PNCK: variants seen among roughly 807,000 people sequenced by gnomAD.
The protein encoded by PNCK is calcium/calmodulin-dependent protein kinase type 1B.
In PNCK, 21 loss-of-function variants were observed where a neutral mutation model predicts 28.3. That is an observed-to-expected ratio of 0.74 (90% CI 0.53 to 1.07). The LOEUF is 1.07. Among genes scored for constraint, PNCK ranks in the 50% least tolerant of loss-of-function variants. PNCK has a pLI of 0.00. For synonymous variants in PNCK, 136 were observed against 125.2 expected (o/e 1.09, Z -0.58); for missense variants, 250 against 298.3 (o/e 0.84, Z 1.19).
In PNCK at chrX:153,672,552, C is replaced by T. The variant is rs782492691; in HGVS notation, c.200+14G>A. The T allele has an allele frequency of 1.2e-5, 15 of 1,201,861 alleles. 1 individual carries two copies. The South Asian group carries it at 2.3e-4, about 18-fold the overall frequency. ...CGACCTATGCCCCGTCCCAGGGCCC[C>T]GCGAGGTGCGCACCTACGGAGCACT... On this transcript the variant is annotated intron_variant, in intron 3 of 11. Coordinates refer to ENST00000340888, the MANE Select transcript of PNCK (RefSeq NM_001366977.1).
At position 153,671,371 on chromosome X, in the gene PNCK, GAGAC is replaced by G. The variant is rs782699462; in HGVS notation, c.539-15_539-12del. ...CCAAGAGCTCTGGGGCTGGGGGCCAGAGACAGACAGACGCACGCACAGGCACACA... is the reference window on the plus strand; with the variant it reads ...CCAAGAGCTCTGGGGCTGGGGGCCAGAGACAGACGCACGCACAGGCACACA... On this transcript the variant is annotated splice_polypyrimidine_tract_variant and intron_variant, in intron 6 of 11. Coordinates refer to ENST00000340888, the MANE Select transcript of PNCK (RefSeq NM_001366977.1). 12 of 1,210,568 alleles carry G rather than the reference GAGAC, an allele frequency of 9.9e-6. No homozygotes were observed. Among genetic ancestry groups the G allele is most frequent in the Non-Finnish European group, 1.1e-6 (1 of 895,330 alleles).
Position 153,673,804 on chromosome X carries a change from G to A in PNCK, c.-27C>T. The stretch of plus-strand genomic sequence containing the variant: ...CCTGGAGCGGGTGCCGCAGCGTCGT[G>A]CCGCGCAGTGGCCGCAGCGCCAAGC... On this transcript the variant is annotated 5_prime_UTR_variant, in exon 1 of 12. Coordinates refer to ENST00000340888, the MANE Select transcript of PNCK (RefSeq NM_001366977.1). The A allele has an allele frequency of 1.3e-6, 1 of 749,879 alleles. No homozygotes were observed. The highest frequency in any genetic ancestry group is 1.6e-6 in the Non-Finnish European group (1 of 636,800). The allele number at this position is 749,879 out of a possible 1,213,427, so 61.8% of individuals were successfully genotyped here.
chrX:153,681,120 TAA>T (rs1165798105), intron 1 of PNCK, among the ~76,000 whole-genome samples: 1 of 94,099 alleles, frequency 1.1e-5, no homozygotes, highest in African/African-American at 4.1e-5. Flanking sequence ...AGCAAGAAAA[TAA>T]AGAGTTGTGT....
chrX:153,683,094 T>C (rs1203140035), intron 1 of PNCK, among the ~76,000 whole-genome samples: 1 of 112,447 alleles, frequency 8.9e-6, no homozygotes, highest in East Asian at 2.8e-4. Context: ...AGTTTTATTA[T>C]TACTCAAATC....
At position 153,671,902 on chromosome X, in the gene PNCK, C is replaced by T; in HGVS notation, c.392G>A (p.Gly131Glu). ...CACCTTGAGGTCCCGGTGCACGATC[C>T]CCAGGCTGTGCAGGTAGGAGACGGC... Reference protein sequence around the residue: ...LGAVSYLHSLGIVHRDLKPEN... With the variant: ...LGAVSYLHSLEIVHRDLKPEN... Residue 131 changes from glycine (G) to glutamate (E), a missense_variant, in exon 5 of 12, where the codon GGG becomes GAG. By Grantham distance (98) the Gly-to-Glu change is moderately conservative (BLOSUM62 -2). Coordinates refer to ENST00000340888, the MANE Select transcript of PNCK (RefSeq NM_001366977.1). 1 of 1,209,261 alleles carries T rather than the reference C, an allele frequency of 8.3e-7. No individual in the cohort carries two copies. The highest frequency in any genetic ancestry group is 1.8e-5 in the South Asian group (1 of 56,719).
intron 1 of PNCK, 31 bp from the exon 2 acceptor site, chrX:153,673,109 C>G (rs1569538786): frequency 2.6e-6 from 3 of 1,167,226 alleles, no homozygotes; most frequent in Non-Finnish European, 2.3e-6. Flanking sequence ...TGATGGGGGT[C>G]TCTCCCCGCC....
At chrX:153,679,861 C>T (rs1470211898), upstream of PNCK, among the ~76,000 whole-genome samples, 1 of 110,394 alleles carries the variant, frequency 9.1e-6, no homozygotes, top group Non-Finnish European at 1.9e-5. Flanking sequence ...CATGAGCCAC[C>T]GCACCTTGCC....
upstream of PNCK, among the ~76,000 whole-genome samples, chrX:153,678,349 G>T (rs2091379473): frequency 1.8e-5 from 2 of 111,312 alleles, no homozygotes; most frequent in Middle Eastern, 4.6e-3. Flanking sequence ...ACCTACTCGG[G>T]AGGCTGAGTT....
chrX:153,681,433 G>A (rs1249428569), intron 1 of PNCK, among the ~76,000 whole-genome samples: 5 of 111,438 alleles, frequency 4.5e-5, no homozygotes, highest in Admixed American at 9.5e-5. Context: ...CTTCACCCCC[G>A]TGGTCTTCCT....
rs147403907 is a variant in PNCK, at chrX:153,671,412, C to G, written c.539-52G>C. 31 of 1,210,272 alleles carry G rather than the reference C, an allele frequency of 2.6e-5. No homozygotes were observed. In the African/African-American group the frequency reaches 4.9e-4, roughly 19 times the overall value. Reference sequence around the variant, plus strand: ...CGCACAGGCACACACGCAGCCATGCCGCTCAGTGTCACTGGCTCGGCCTAC... The same window carrying G: ...CGCACAGGCACACACGCAGCCATGCGGCTCAGTGTCACTGGCTCGGCCTAC... On this transcript the variant is annotated intron_variant, in intron 6 of 11. Coordinates refer to ENST00000340888, the MANE Select transcript of PNCK (RefSeq NM_001366977.1).
At chrX:153,674,291 C>A (rs2091351875), upstream of PNCK, 1 of 986,916 alleles carries the variant, frequency 1.0e-6, no homozygotes, top group Non-Finnish European at 1.4e-6. Context: ...TTCTTCTCTA[C>A]CCAGCAGCCA....
At chrX:153,678,337 C>A (rs1393079359), upstream of PNCK, among the ~76,000 whole-genome samples, 3 of 110,889 alleles carry the variant, frequency 2.7e-5, no homozygotes, top group Non-Finnish European at 5.7e-5. Context: ...GCCTGTGGTC[C>A]CACCTACTCG....
At position 153,670,750 on chromosome X, in the gene PNCK, G is replaced by C. The variant is rs1362308788; in HGVS notation, c.888C>G (p.His296Gln). Residue 296 changes from histidine (H) to glutamine (Q), a missense_variant, in exon 10 of 12, where the codon CAC becomes CAG. Coordinates refer to ENST00000340888, the MANE Select transcript of PNCK (RefSeq NM_001366977.1). ...GGTCTCTCTCCACACTGACCTTCCA[G>C]TGTGTCCGAGCAAAGTTCTTCCGGA... ...EQIRKNFART[H>Q]WKRAFNATSF... The C allele has an allele frequency of 8.3e-7, 1 of 1,206,349 alleles. No homozygotes were observed. Among genetic ancestry groups the C allele is most frequent in the Non-Finnish European group, 1.1e-6 (1 of 892,585 alleles).
chrX:153,670,819 G>A lies in PNCK; in HGVS notation c.819C>T (p.Asp273=). The part of the protein sequence containing the change: ...QALRHLWISG[D]TAFDRDILGS... ...CTAAGATGTCCCTGTCGAAGGCTGT[G>A]TCCCCAGAGATCCTGGGGAAAGGCT... Residue 273 remains aspartate, a synonymous_variant, in exon 10 of 12, where the codon GAC becomes GAT. Transcript: ENST00000340888. The A allele has an allele frequency of 8.3e-7, 1 of 1,211,378 alleles. No individual in the cohort carries two copies. Among genetic ancestry groups the A allele is most frequent in the Middle Eastern group, 2.3e-4 (1 of 4,352 alleles).
At position 153,671,885 on chromosome X, in the gene PNCK, G is replaced by C. The variant is rs369888785; in HGVS notation, c.409C>G (p.Leu137Val). 19 of 1,208,253 alleles carry C rather than the reference G, an allele frequency of 1.6e-5. No individual in the cohort carries two copies. Among genetic ancestry groups the C allele is most frequent in the Non-Finnish European group, 2.1e-5 (19 of 894,421 alleles). The change falls in exon 5 of 12, where the codon CTC becomes GTC. Residue 137 changes from leucine to valine, a missense_variant. Physicochemically the swap from Leu to Val is conservative, Grantham distance 32. Coordinates refer to ENST00000340888, the MANE Select transcript of PNCK (RefSeq NM_001366977.1). Reference protein sequence around the residue: ...LHSLGIVHRDLKPENLLYATP... With the variant: ...LHSLGIVHRDVKPENLLYATP... ...CAGAGGCCCCAGCCAGGCACCTTGA[G>C]GTCCCGGTGCACGATCCCCAGGCTG...
upstream of PNCK, chrX:153,674,153 A>C: frequency 8.3e-7 from 1 of 1,208,206 alleles, no homozygotes; most frequent in Non-Finnish European, 1.1e-6. Context: ...TGACCCGGCC[A>C]CTTGCCCGAA....
At chrX:153,680,316 GCT>G (rs1557042301) in intron 1 of PNCK, among the ~76,000 whole-genome samples, 1 of 104,926 alleles carries the variant, frequency 9.5e-6, no homozygotes, top group African/African-American at 3.5e-5. Context: ...GTGAGTTCTT[GCT>G]CTGAGTCCAT....
chrX:153,676,864 C>CA (rs57712456), upstream of PNCK, among the ~76,000 whole-genome samples: 2,448 of 54,941 alleles, frequency 0.045, 103 homozygotes, highest in African/African-American at 0.13. Flanking sequence ...GACTTCATCT[C>CA]AAAAAAAAAA....
At chrX:153,683,019 G>A (rs1557042647) in intron 1 of PNCK, among the ~76,000 whole-genome samples, 1 of 112,622 alleles carries the variant, frequency 8.9e-6, no homozygotes, top group African/African-American at 3.2e-5. Context: ...CCAAAGTGCT[G>A]GGATTACAGG....
Sources: gnomAD v4.1 joint callset for allele counts (sites outside exome capture counted in the v4.1 genomes callset) on GRCh38, gnomAD v4.1.1 for gene constraint, MANE v1.5 for transcripts, NCBI Gene and HGNC (gene_info 2026-07-23, HGNC 2026-07-21) for gene names.